Variants in KCNG3 observed in about 807,000 individuals in gnomAD.
KCNG3 encodes the protein voltage-gated potassium channel regulatory subunit KCNG3.
In KCNG3, 15 loss-of-function variants were observed where a neutral mutation model predicts 29.0. The observed-to-expected ratio is 0.52, with a 90% CI of 0.35 to 0.80. The LOEUF is 0.80. Ranked by LOEUF, KCNG3 falls within the 30% of genes least tolerant of loss-of-function variation. The probability of loss-of-function intolerance (pLI) is 0.01; values close to 1 mark genes in which losing one functional copy is unlikely to be tolerated. For missense variants in KCNG3, 512 were observed against 605.7 expected (o/e 0.85, Z 1.62); for synonymous variants, 322 against 248.9 (o/e 1.29, Z -2.76).
chr2:42,466,071 C>T (rs770155698), intron 1 of KCNG3, among the ~76,000 whole-genome samples: 1 of 152,116 alleles, frequency 6.6e-6, no homozygotes, highest in Non-Finnish European at 1.5e-5. Context: ...GATTATAATA[C>T]TGCATTTTTA....
chr2:42,422,302 G>A, the KCNG3 span, among the ~76,000 whole-genome samples: 1 of 152,030 alleles, frequency 6.6e-6, no homozygotes, highest in African/African-American at 2.4e-5. Context: ...CTAATAAAAG[G>A]ATGAGCTTGG....
At chr2:42,464,764 C>G (rs1673100038) in intron 1 of KCNG3, among the ~76,000 whole-genome samples, 1 of 152,166 alleles carries the variant, frequency 6.6e-6, no homozygotes, top group East Asian at 1.9e-4. Context: ...TATCTTAGGT[C>G]CACTAGCATG....
intron 1 of KCNG3, among the ~76,000 whole-genome samples, chr2:42,474,492 C>T (rs1673374617): frequency 6.6e-6 from 1 of 152,156 alleles, no homozygotes; most frequent in African/African-American, 2.4e-5. Flanking sequence ...GGCACTACTG[C>T]ACTCTAGCCT....
chr2:42,488,010 T>G (rs564655598), intron 1 of KCNG3, among the ~76,000 whole-genome samples: 7 of 152,306 alleles, frequency 4.6e-5, no homozygotes, highest in Non-Finnish European at 8.8e-5. Flanking sequence ...CTGGCTTTTG[T>G]AAATATATAT....
At chr2:42,410,288 T>C in the KCNG3 span, among the ~76,000 whole-genome samples, 2 of 152,214 alleles carry the variant, frequency 1.3e-5, no homozygotes, top group East Asian at 1.9e-4. Context: ...TGTCAGTTCA[T>C]ACATGTGTGG....
the KCNG3 span, among the ~76,000 whole-genome samples, chr2:42,399,056 C>CTT: frequency 5.2e-4 from 56 of 107,620 alleles, no homozygotes; most frequent in Admixed American, 6.8e-4. Context: ...TTTTTCTTTT[C>CTT]TTTTTTTTTT....
chr2:42,435,886 G>C, the KCNG3 span, among the ~76,000 whole-genome samples: 45 of 152,140 alleles, frequency 3.0e-4, no homozygotes, highest in Non-Finnish European at 3.8e-4. Flanking sequence ...CCATTCCTAG[G>C]TTTATATCCA....
At chr2:42,405,071 C>G in the KCNG3 span, among the ~76,000 whole-genome samples, 1 of 152,224 alleles carries the variant, frequency 6.6e-6, no homozygotes, top group African/African-American at 2.4e-5. Flanking sequence ...AAATCTGATT[C>G]TCATCTAGAA....
At chr2:42,448,382 T>TA (rs1436712892) in intron 1 of KCNG3, among the ~76,000 whole-genome samples, 1 of 144,682 alleles carries the variant, frequency 6.9e-6, no homozygotes, top group Non-Finnish European at 1.5e-5. Context: ...TTTATTTATT[T>TA]ATTTTTTGTA....
At chr2:42,401,500 G>C in the KCNG3 span, among the ~76,000 whole-genome samples, 1 of 151,768 alleles carries the variant, frequency 6.6e-6, no homozygotes, top group Non-Finnish European at 1.5e-5. Flanking sequence ...GGAGTGCAGC[G>C]GTGCAATCAC....
the KCNG3 span, among the ~76,000 whole-genome samples, chr2:42,419,219 C>CTTTTTTTTTTTTTTTTT: frequency 6.1e-4 from 17 of 27,738 alleles, 3 homozygotes; most frequent in African/African-American, 9.8e-4. Context: ...GATGGTATCT[C>CTTTTTTTTTTTTTTTTT]TTTTTTTTTT....
chr2:42,455,958 T>C (rs1313672000), intron 1 of KCNG3, among the ~76,000 whole-genome samples: 1 of 149,070 alleles, frequency 6.7e-6, no homozygotes, highest in East Asian at 1.9e-4. Flanking sequence ...TATATAATTA[T>C]ATTACATTTA....
At position 42,458,029 on chromosome 2, in the gene KCNG3, G is replaced by A. The variant is rs140700220; in HGVS notation, c.666-13450C>T. Among the ~76,000 whole-genome samples the A allele has an allele frequency of 4.3e-3, 657 of 152,158 alleles. 4 individuals carry two copies. The highest frequency in any genetic ancestry group is 0.015 in the South Asian group (71 of 4,820). On this transcript the variant is annotated intron_variant, in intron 1 of 1. Coordinates refer to ENST00000306078, the MANE Select transcript of KCNG3 (RefSeq NM_133329.6). Reference sequence around the variant, plus strand: ...CTGACTAAGTCATACCTTGAATCACGCCTGGGATTCATGGATGTCCCTATA... The same window carrying A: ...CTGACTAAGTCATACCTTGAATCACACCTGGGATTCATGGATGTCCCTATA...
At chr2:42,476,974 C>T (rs1453497402) in intron 1 of KCNG3, among the ~76,000 whole-genome samples, 5 of 148,302 alleles carry the variant, frequency 3.4e-5, no homozygotes, top group Admixed American at 6.7e-5. Context: ...TCACGAGGTC[C>T]GGAGATCGAG....
At chr2:42,483,666 A>T (rs1304949460) in intron 1 of KCNG3, among the ~76,000 whole-genome samples, 8 of 152,226 alleles carry the variant, frequency 5.3e-5, no homozygotes, top group Non-Finnish European at 7.3e-5. Flanking sequence ...TAACTGTTAC[A>T]ATCATTACTA....
chr2:42,482,877 T>C (rs187269672), intron 1 of KCNG3, among the ~76,000 whole-genome samples: 4 of 152,012 alleles, frequency 2.6e-5, no homozygotes, highest in Admixed American at 6.6e-5. Context: ...TCCCAACACT[T>C]TGGGAGACCG....
chr2:42,457,222 T>C (rs1250412068), intron 1 of KCNG3, among the ~76,000 whole-genome samples: 2 of 151,956 alleles, frequency 1.3e-5, no homozygotes, highest in East Asian at 3.9e-4. Context: ...CGGTAGCTCA[T>C]GCCCGTAATC....
downstream of KCNG3, among the ~76,000 whole-genome samples, chr2:42,437,869 T>G (rs1309150134): frequency 2.2e-5 from 3 of 137,176 alleles, no homozygotes; most frequent in African/African-American, 8.4e-5. Context: ...ACCCAGGAGG[T>G]GGAGATTGTA....
downstream of KCNG3, among the ~76,000 whole-genome samples, chr2:42,439,209 A>G (rs905002703): frequency 4.0e-5 from 6 of 151,520 alleles, no homozygotes; most frequent in Admixed American, 2.6e-4. Flanking sequence ...TAAAAGCAAT[A>G]TTATTTTTAT....
Sources: allele counts gnomAD v4.1 joint callset (sites outside exome capture counted in the v4.1 genomes callset), GRCh38; gene constraint gnomAD v4.1.1; transcripts MANE v1.5; gene names NCBI Gene and HGNC (gene_info 2026-07-23, HGNC 2026-07-21).